Variants in SEMA3A observed in about 807,000 individuals in gnomAD.
SEMA3A encodes the protein semaphorin 3A, also known as semaphorin-3A.
A neutral mutation model predicts 97.9 loss-of-function variants in SEMA3A; 29 were observed. That is an observed-to-expected ratio of 0.30 (90% confidence interval 0.22 to 0.40). The LOEUF is 0.40. Ranked by LOEUF, SEMA3A falls within the 10% of genes least tolerant of loss-of-function variation. SEMA3A has a pLI of 1.00. For missense variants in SEMA3A, 763 were observed against 951.3 expected, an observed-to-expected ratio of 0.80 and a Z score of 2.60; for synonymous variants, 321 against 323.7, an observed-to-expected ratio of 0.99 and a Z score of 0.09.
chr7:84,283,580 G>C (rs2115753410), intron 3 of SEMA3A, among the ~76,000 whole-genome samples: 1 of 151,762 alleles, frequency 6.6e-6, no homozygotes, highest in East Asian at 1.9e-4. Flanking sequence ...AAAAAAAAAA[G>C]AGGATATTAA....
At chr7:84,415,867 T>C (rs1278407163) in intron 1 of SEMA3A, among the ~76,000 whole-genome samples, 1 of 152,118 alleles carries the variant, frequency 6.6e-6, no homozygotes, top group African/African-American at 2.4e-5. Context: ...TCAAATATCA[T>C]AATTGCTACT....
intron 3 of SEMA3A, among the ~76,000 whole-genome samples, chr7:84,238,658 GTT>G (rs1192488020): frequency 4.6e-5 from 7 of 151,834 alleles, no homozygotes; most frequent in African/African-American, 1.5e-4. Context: ...ATACAAAACT[GTT>G]TGCAAAAGTG....
At chr7:84,267,184 C>T (rs915483380) in intron 3 of SEMA3A, among the ~76,000 whole-genome samples, 1 of 152,034 alleles carries the variant, frequency 6.6e-6, no homozygotes, top group Non-Finnish European at 1.5e-5. Flanking sequence ...ATTTGAGATG[C>T]TAAACCAGTA....
intron 10 of SEMA3A, among the ~76,000 whole-genome samples, chr7:84,007,008 T>C (rs576284640): frequency 6.6e-6 from 1 of 152,220 alleles, no homozygotes; most frequent in Non-Finnish European, 1.5e-5. Flanking sequence ...GAAGACACAA[T>C]AAAATGTATT....
intron 3 of SEMA3A, among the ~76,000 whole-genome samples, chr7:84,232,218 A>G (rs1247242219): frequency 6.7e-6 from 1 of 148,854 alleles, no homozygotes; most frequent in Non-Finnish European, 1.5e-5. Context: ...ATGACAAAGC[A>G]TTTAATTCCA....
intron 1 of SEMA3A, among the ~76,000 whole-genome samples, chr7:84,424,905 A>T (rs1233016566): frequency 8.2e-5 from 5 of 60,698 alleles, no homozygotes; most frequent in African/African-American, 1.6e-4. Context: ...ATTTATATAA[A>T]CATAAATATA....
chr7:83,996,321 G>A (rs1348512003), intron 12 of SEMA3A, among the ~76,000 whole-genome samples: 2 of 41,202 alleles, frequency 4.9e-5, no homozygotes, highest in Non-Finnish European at 8.9e-5. Flanking sequence ...TTTTTTTTTT[G>A]AGATGTAGTC....
At position 84,282,735 on chromosome 7, in the gene SEMA3A, C is replaced by T. The variant is rs1334074553; in HGVS notation, c.-83+24472G>A. 8.5e-5 allele frequency among the ~76,000 whole-genome samples: 13 copies of T among 152,144 alleles called. No individual in the cohort carries two copies. In the South Asian group the frequency reaches 2.1e-3, roughly 24 times the overall value. On this transcript the variant is annotated intron_variant, in intron 3 of 3. Transcript: ENST00000424555. ...TCCATGATAAAATAAATTTTGGGGCCGGGTGCAGTGGCTCATGCCTGTAAT... is the reference window on the plus strand; with the variant it reads ...TCCATGATAAAATAAATTTTGGGGCTGGGTGCAGTGGCTCATGCCTGTAAT...
intron 1 of SEMA3A, among the ~76,000 whole-genome samples, chr7:84,421,718 T>C (rs1030767942): frequency 6.6e-6 from 1 of 152,148 alleles, no homozygotes; most frequent in African/African-American, 2.4e-5. Context: ...AGAGAGTTTT[T>C]AGCATGAAGG....
intron 3 of SEMA3A, among the ~76,000 whole-genome samples, chr7:84,299,958 G>C (rs1800966160): frequency 6.7e-6 from 1 of 148,844 alleles, no homozygotes; most frequent in African/African-American, 2.5e-5. Context: ...CTTGAACCAG[G>C]GAGGCGGAGG....
chr7:84,480,847 T>G (rs75454799), intron 1 of SEMA3A, among the ~76,000 whole-genome samples: 1 of 152,086 alleles, frequency 6.6e-6, no homozygotes, highest in Non-Finnish European at 1.5e-5. Context: ...ATAGGATGAG[T>G]GTTTTGACTT....
intron 2 of SEMA3A, among the ~76,000 whole-genome samples, chr7:84,129,801 C>A (rs950563143): frequency 7.4e-5 from 11 of 147,726 alleles, no homozygotes; most frequent in Non-Finnish European, 1.5e-4. Context: ...ACTGAAGAAA[C>A]AAACAAATAG....
At chr7:84,423,566 A>AT (rs371939986) in intron 1 of SEMA3A, among the ~76,000 whole-genome samples, 3 of 152,044 alleles carry the variant, frequency 2.0e-5, no homozygotes, top group East Asian at 1.9e-4. Context: ...CTCTGTAATT[A>AT]TTTTTTTGTC....
chr7:84,212,503 T>A (rs940313867), intron 3 of SEMA3A, among the ~76,000 whole-genome samples: 11 of 151,530 alleles, frequency 7.3e-5, no homozygotes, highest in Non-Finnish European at 1.5e-4. Context: ...TAGGTTGCTA[T>A]AACAAATGAT....
chr7:84,031,703 G>C (rs577183450), intron 6 of SEMA3A, among the ~76,000 whole-genome samples: 1 of 152,106 alleles, frequency 6.6e-6, no homozygotes, highest in East Asian at 2.0e-4. Context: ...GGGTGTGGTG[G>C]TGCATGCCTG....
intron 1 of SEMA3A, among the ~76,000 whole-genome samples, chr7:84,392,260 C>G (rs1049963514): frequency 6.6e-6 from 1 of 152,054 alleles, no homozygotes; most frequent in Non-Finnish European, 1.5e-5. Flanking sequence ...TCCACCCCAC[C>G]AATCTCTCCT....
In SEMA3A at chr7:84,067,749, C is replaced by G. The variant is rs1793578861; in HGVS notation, c.454-7191G>C. On this transcript the variant is annotated intron_variant, in intron 4 of 16. Coordinates refer to ENST00000265362, the MANE Select transcript of SEMA3A (RefSeq NM_006080.3). ...TACCATCTCACACCAGTTAGAATGGCAATCATTAAAAAGTCAGGAAACAAC... is the reference window on the plus strand; with the variant it reads ...TACCATCTCACACCAGTTAGAATGGGAATCATTAAAAAGTCAGGAAACAAC... 2.6e-5 allele frequency among the ~76,000 whole-genome samples: 4 copies of G among 151,386 alleles called. No individual in the cohort carries two copies. In the South Asian group the frequency reaches 8.4e-4, roughly 32 times the overall value.
In SEMA3A at chr7:84,018,381, G is replaced by A. The variant is rs76801420; in HGVS notation, c.668-4030C>T. ...ATTTATATTTTCATTTATAAAATAA[G>A]TGTTAAGCACCTACTGTATACTCTG... is the stretch of plus-strand genomic sequence containing the variant. On this transcript the variant is annotated intron_variant, in intron 6 of 16. Coordinates refer to ENST00000265362, the MANE Select transcript of SEMA3A (RefSeq NM_006080.3). 1.5e-3 allele frequency among the ~76,000 whole-genome samples: 222 copies of A among 152,196 alleles called. 2 individuals carry two copies. In the East Asian group the frequency reaches 0.016, roughly 11 times the overall value.
In SEMA3A at chr7:84,073,622, G is replaced by T. The variant is rs559436590; in HGVS notation, c.454-13064C>A. 5.3e-5 allele frequency among the ~76,000 whole-genome samples: 8 copies of T among 152,196 alleles called. No homozygotes were observed. In the South Asian group the frequency reaches 1.7e-3, roughly 32 times the overall value. On this transcript the variant is annotated intron_variant, in intron 4 of 16. Coordinates refer to ENST00000265362, the MANE Select transcript of SEMA3A (RefSeq NM_006080.3). ...TAGCATCAAAGAGGTGCAATATGAT[G>T]ATGAATCTGACAGGGATGATTTAGA...
Sources: allele counts gnomAD v4.1 joint callset (sites outside exome capture counted in the v4.1 genomes callset), GRCh38; gene constraint gnomAD v4.1.1; transcripts MANE v1.5; gene names NCBI Gene and HGNC (gene_info 2026-07-23, HGNC 2026-07-21).